Variants in PTPRG observed in about 807,000 individuals in gnomAD.
The protein encoded by PTPRG is protein tyrosine phosphatase receptor type G, also known as receptor-type tyrosine-protein phosphatase gamma.
In PTPRG, 102 loss-of-function variants were observed where a neutral mutation model predicts 165.3. The ratio of observed to expected loss-of-function variants is 0.62; its 90% CI spans 0.53 to 0.73. PTPRG has a LOEUF of 0.73. Among genes scored for constraint, PTPRG ranks in the 30% least tolerant of loss-of-function variants. The probability of loss-of-function intolerance (pLI) is 0.00; values close to 1 mark genes in which losing one functional copy is unlikely to be tolerated. For missense variants in PTPRG, 1,866 were observed against 1,861.4 expected, an observed-to-expected ratio of 1.00 and a Z score of -0.05; for synonymous variants, 675 against 669.5, an observed-to-expected ratio of 1.01 and a Z score of -0.13.
Position 61,801,655 on chromosome 3 carries a change from C to T in PTPRG, c.190+52673C>T, listed in dbSNP as rs535678128. Among the ~76,000 whole-genome samples the T allele has an allele frequency of 2.6e-4, 39 of 152,144 alleles. 1 individual carries two copies. The highest frequency in any genetic ancestry group is 1.1e-3 in the Admixed American group (17 of 15,276). ...GAGGGTTGGGTTCCGCTTCTCAAGA[C>T]GGTTAGGGACTGTTTCTCTCTGTTT... On this transcript the variant is annotated intron_variant, in intron 2 of 29. Coordinates refer to ENST00000474889, the MANE Select transcript of PTPRG (RefSeq NM_002841.4).
At chr3:61,568,902 C>T (rs981349461) in intron 1 of PTPRG, among the ~76,000 whole-genome samples, 4 of 117,374 alleles carry the variant, frequency 3.4e-5, no homozygotes, top group African/African-American at 9.6e-5. Flanking sequence ...AGCAAGACTC[C>T]GTCTCAAAAA....
chr3:62,244,685 TA>T (rs1701251387), intron 15 of PTPRG, among the ~76,000 whole-genome samples: 1 of 152,202 alleles, frequency 6.6e-6, no homozygotes, highest in Non-Finnish European at 1.5e-5. Context: ...TGATCTGCCC[TA>T]TTCTCCATAA....
At chr3:62,119,653 C>G (rs1210021168) in intron 5 of PTPRG, among the ~76,000 whole-genome samples, 1 of 151,510 alleles carries the variant, frequency 6.6e-6, no homozygotes, top group Non-Finnish European at 1.5e-5. Flanking sequence ...CAGAGTCTTG[C>G]TTTGTCACCC....
intron 1 of PTPRG, among the ~76,000 whole-genome samples, chr3:61,733,711 A>G (rs555549881): frequency 6.6e-6 from 1 of 152,330 alleles, no homozygotes; most frequent in Non-Finnish European, 1.5e-5. Context: ...TAAATTAAAA[A>G]TCTTTGTTTC....
intron 8 of PTPRG, among the ~76,000 whole-genome samples, chr3:62,170,482 G>A (rs916244814): frequency 6.6e-6 from 1 of 152,124 alleles, no homozygotes; most frequent in Non-Finnish European, 1.5e-5. Flanking sequence ...TGATATATCA[G>A]CTGTACAGAG....
intron 1 of PTPRG, among the ~76,000 whole-genome samples, chr3:61,573,105 A>G (rs1436777426): frequency 2.0e-5 from 3 of 152,168 alleles, no homozygotes; most frequent in African/African-American, 7.2e-5. Flanking sequence ...TGGATATTTC[A>G]CAGTCATGTG....
intron 2 of PTPRG, among the ~76,000 whole-genome samples, chr3:61,877,660 CG>C (rs1447484331): frequency 6.6e-6 from 1 of 152,104 alleles, no homozygotes; most frequent in Non-Finnish European, 1.5e-5. Context: ...GGGATGTTAA[CG>C]TGTTTGCATG....
At chr3:62,073,279 A>G (rs1445584654) in intron 4 of PTPRG, among the ~76,000 whole-genome samples, 1 of 152,218 alleles carries the variant, frequency 6.6e-6, no homozygotes, top group Non-Finnish European at 1.5e-5. Flanking sequence ...TAGTGAGTCA[A>G]CATTAAATGA....
intron 1 of PTPRG, among the ~76,000 whole-genome samples, chr3:61,698,755 A>G (rs1467552418): frequency 6.6e-6 from 1 of 152,200 alleles, no homozygotes; most frequent in Admixed American, 6.5e-5. Flanking sequence ...AATAACTAAT[A>G]CAACCATAGC....
chr3:62,272,866 T>C (rs1297730084), intron 21 of PTPRG, 80 bp from the exon 22 acceptor site: 2 of 1,371,756 alleles, frequency 1.5e-6, no homozygotes, highest in East Asian at 2.7e-5. Flanking sequence ...ATAAATGGGG[T>C]TTAGATTGGA....
chr3:62,027,089 C>T (rs953329059), intron 4 of PTPRG, among the ~76,000 whole-genome samples: 5 of 151,922 alleles, frequency 3.3e-5, no homozygotes, highest in Admixed American at 6.6e-5. Context: ...ATTCTCTCCC[C>T]GTGCCCTGTT....
In PTPRG at chr3:62,195,793, TTG is replaced by T. The variant is rs1292655609; in HGVS notation, c.1327+625_1327+626del. Among the ~76,000 whole-genome samples, 3 of 151,956 alleles carry T rather than the reference TTG, an allele frequency of 2.0e-5. No individual in the cohort carries two copies. The highest frequency in any genetic ancestry group is 7.2e-5 in the African/African-American group (3 of 41,446). ...ACATAACATTTTAGTGGGATTTTTT[TTG>T]TTTGTTTGTTTGTTTTGAGATGAAG... On this transcript the variant is annotated intron_variant, in intron 10 of 29. Transcript: ENST00000474889. This position sits in a 1 kb window ranked among gnomAD's most constrained non-coding sequence, Gnocchi z 4.4.
intron 7 of PTPRG, among the ~76,000 whole-genome samples, chr3:62,160,907 G>A (rs1036398006): frequency 1.5e-5 from 2 of 137,144 alleles, no homozygotes; most frequent in African/African-American, 5.5e-5. Context: ...AAGCTGGAGT[G>A]GACAGAAAAG....
At chr3:62,032,194 AG>A (rs1699792251) in intron 4 of PTPRG, among the ~76,000 whole-genome samples, 1 of 152,158 alleles carries the variant, frequency 6.6e-6, no homozygotes, top group Non-Finnish European at 1.5e-5. Context: ...GAGAAGTACA[AG>A]GAAAACCCAT....
intron 2 of PTPRG, among the ~76,000 whole-genome samples, chr3:61,773,962 A>G (rs990132577): frequency 6.6e-6 from 1 of 151,906 alleles, no homozygotes; most frequent in Admixed American, 6.6e-5. Flanking sequence ...TTTAATAGAG[A>G]TGGGGTTTCA....
intron 2 of PTPRG, among the ~76,000 whole-genome samples, chr3:61,808,081 G>A (rs903664771): frequency 4.6e-5 from 7 of 152,138 alleles, no homozygotes; most frequent in African/African-American, 1.7e-4. Flanking sequence ...AGCTGATATT[G>A]TTATACAAAC....
chr3:62,026,743 A>G (rs1266934379), intron 4 of PTPRG, among the ~76,000 whole-genome samples: 1 of 152,030 alleles, frequency 6.6e-6, no homozygotes, highest in African/African-American at 2.4e-5. Flanking sequence ...AAAATTAGCC[A>G]GGCGTGGTGG....
In PTPRG at chr3:62,190,840, G is replaced by A. The variant is rs150205146; in HGVS notation, c.1034-629G>A. On this transcript the variant is annotated intron_variant, in intron 8 of 29. Coordinates refer to ENST00000474889, the MANE Select transcript of PTPRG (RefSeq NM_002841.4). This position sits in a 1 kb window ranked among gnomAD's most constrained non-coding sequence, Gnocchi z 5.2. ...ATGAGGCTGAAGTCAGGGGGACACA[G>A]TGATTAAGGATCTTTTGGAGACAGC... Among the ~76,000 whole-genome samples, 2 of 152,350 alleles carry A rather than the reference G, an allele frequency of 1.3e-5. No homozygotes were observed. The highest frequency in any genetic ancestry group is 2.1e-4 in the South Asian group (1 of 4,826).
chr3:62,063,382 G>A (rs1700885146), intron 4 of PTPRG, among the ~76,000 whole-genome samples: 1 of 152,162 alleles, frequency 6.6e-6, no homozygotes, highest in South Asian at 2.1e-4. Flanking sequence ...AATCATTCCT[G>A]TTGGGTTTTA....
Sources: gnomAD v4.1 joint callset for allele counts (sites outside exome capture counted in the v4.1 genomes callset) on GRCh38, gnomAD v4.1.1 for gene constraint, Gnocchi (gnomAD v3.1) non-coding constraint, MANE v1.5 for transcripts, NCBI Gene and HGNC (gene_info 2026-07-23, HGNC 2026-07-21) for gene names.